The following VWA3B variants were observed in gnomAD, a reference collection of about 807,000 sequenced individuals.
VWA3B encodes von Willebrand factor A domain containing 3B, also known as von Willebrand factor A domain-containing protein 3B.
Under a neutral mutation model 158.3 loss-of-function variants are expected in VWA3B, and 138 were observed. The observed-to-expected ratio is 0.87, with a 90% CI of 0.76 to 1.00. The LOEUF (loss-of-function observed/expected upper bound fraction) is 1.00, where lower values mean the gene tolerates loss of function less well. Among genes scored for constraint, VWA3B ranks in the 50% least tolerant of loss-of-function variants. VWA3B has a pLI of 0.00. For synonymous variants in VWA3B, 596 were observed against 587.3 expected (o/e 1.01, Z -0.21); for missense variants, 1,555 against 1,565.1 (o/e 0.99, Z 0.11).
intron 5 of VWA3B, among the ~76,000 whole-genome samples, chr2:98,127,863 C>T (rs1194312069): frequency 6.6e-6 from 1 of 152,174 alleles, no homozygotes; most frequent in Non-Finnish European, 1.5e-5. Flanking sequence ...CTGGCACTGC[C>T]GCGGGCAATG....
At chr2:98,306,993 G>C (rs73961210) in intron 26 of VWA3B, among the ~76,000 whole-genome samples, 24 of 152,248 alleles carry the variant, frequency 1.6e-4, no homozygotes, top group African/African-American at 5.8e-4. Context: ...TAGCAGAACC[G>C]AGTACAAAAA....
At chr2:98,164,551 G>T (rs1022582324) in intron 8 of VWA3B, among the ~76,000 whole-genome samples, 1 of 152,174 alleles carries the variant, frequency 6.6e-6, no homozygotes, top group African/African-American at 2.4e-5. Context: ...ATTACAGAGC[G>T]ATTAAGTCAT....
chr2:98,291,593 A>G (rs760724793), intron 23 of VWA3B: 1 of 152,228 alleles, frequency 6.6e-6, no homozygotes. Flanking sequence ...GCAGTGAGAA[A>G]CACAATCACA....
chr2:98,134,540 G>C (rs1241360335), intron 7 of VWA3B, among the ~76,000 whole-genome samples: 2 of 152,126 alleles, frequency 1.3e-5, no homozygotes, highest in African/African-American at 4.8e-5. Context: ...CCAGGAGATG[G>C]GAGTTTCTTT....
intron 7 of VWA3B, among the ~76,000 whole-genome samples, chr2:98,156,220 A>G (rs549480497): frequency 1.2e-4 from 19 of 152,316 alleles, no homozygotes; most frequent in African/African-American, 3.8e-4. Context: ...GTGTTGTTGA[A>G]TAAATGAGTG....
Position 98,162,843 on chromosome 2 carries a change from C to G in VWA3B, c.989-8C>G, listed in dbSNP as rs138724925. The G allele has an allele frequency of 1.7e-5, 28 of 1,613,226 alleles. No homozygotes were observed. In the African/African-American group the frequency reaches 2.7e-4, roughly 15 times the overall value. On this transcript the variant is annotated splice_polypyrimidine_tract_variant and splice_region_variant and intron_variant, in intron 7 of 27. Coordinates refer to ENST00000477737, the MANE Select transcript of VWA3B (RefSeq NM_144992.5). ...AGCCGGCCGCTCATGCTGTGTCTCC[C>G]CTTTTAGGAGCTGGAGTCAGAGAGG...
intron 2 of VWA3B, among the ~76,000 whole-genome samples, chr2:98,114,945 C>T (rs1674411518): frequency 6.6e-6 from 1 of 152,128 alleles, no homozygotes; most frequent in African/African-American, 2.4e-5. Flanking sequence ...TCTTGTAGTT[C>T]TGACATTCTG....
chr2:98,256,820 G>A (rs549647201), intron 21 of VWA3B, among the ~76,000 whole-genome samples: 1 of 152,064 alleles, frequency 6.6e-6, no homozygotes, highest in East Asian at 1.9e-4. Context: ...TATTTTTATT[G>A]ACCCATAATA....
chr2:98,145,745 G>T (rs982826222), intron 7 of VWA3B, among the ~76,000 whole-genome samples: 1 of 151,270 alleles, frequency 6.6e-6, no homozygotes, highest in Non-Finnish European at 1.5e-5. Flanking sequence ...TTTGAGACAG[G>T]TTCTCACTCT....
chr2:98,144,707 C>T (rs577314697), intron 7 of VWA3B, among the ~76,000 whole-genome samples: 4 of 152,074 alleles, frequency 2.6e-5, no homozygotes, highest in African/African-American at 7.2e-5. Context: ...GCTGGGCTTA[C>T]AGGTGGCTGC....
At chr2:98,303,142 T>C (rs1287980127) in intron 25 of VWA3B, among the ~76,000 whole-genome samples, 1 of 151,974 alleles carries the variant, frequency 6.6e-6, no homozygotes, top group Non-Finnish European at 1.5e-5. Context: ...CCCTAGGGTG[T>C]GGGGAGAGAT....
At chr2:98,242,557 A>G (rs562364528) in intron 19 of VWA3B, among the ~76,000 whole-genome samples, 1 of 151,852 alleles carries the variant, frequency 6.6e-6, no homozygotes, top group African/African-American at 2.4e-5. Flanking sequence ...TGTCGTTATC[A>G]TAATGTCTTT....
intron 26 of VWA3B, among the ~76,000 whole-genome samples, chr2:98,310,400 G>T (rs1690814542): frequency 6.6e-6 from 1 of 152,086 alleles, no homozygotes; most frequent in South Asian, 2.1e-4. Context: ...AGGGGGGTAG[G>T]CATCTCCCTA....
chr2:98,193,751 G>A (rs7560563), intron 11 of VWA3B, among the ~76,000 whole-genome samples: 4,713 of 151,786 alleles, frequency 0.031, 234 homozygotes, highest in African/African-American at 0.11. Flanking sequence ...CACCACGCCC[G>A]GCTAATTTTT....
intron 7 of VWA3B, among the ~76,000 whole-genome samples, chr2:98,154,171 T>C (rs1406279961): frequency 6.6e-6 from 1 of 152,176 alleles, no homozygotes; most frequent in Non-Finnish European, 1.5e-5. Context: ...AGGATTTCTT[T>C]CTACTGCTCT....
intron 12 of VWA3B, among the ~76,000 whole-genome samples, chr2:98,207,975 G>A (rs1683160163): frequency 6.6e-6 from 1 of 151,996 alleles, no homozygotes; most frequent in South Asian, 2.1e-4. Flanking sequence ...TTATAAAGTA[G>A]ATAAAAATAG....
At chr2:98,131,858 AT>A (rs891592547) in intron 6 of VWA3B, among the ~76,000 whole-genome samples, 3 of 152,260 alleles carry the variant, frequency 2.0e-5, no homozygotes, top group Admixed American at 6.5e-5. Context: ...AGGAATTCTA[AT>A]TTTCAAGATC....
chr2:98,229,327 C>T lies in VWA3B; in HGVS notation c.2151-723C>T, dbSNP rs191733966. On this transcript the variant is annotated intron_variant, in intron 15 of 27. Coordinates refer to ENST00000477737, the MANE Select transcript of VWA3B (RefSeq NM_144992.5). ...TCCTTCTGCTGTGGGGGGCACAGTG[C>T]GGGCACAGACCCACAGAGGGCCATG... Among the ~76,000 whole-genome samples the T allele has an allele frequency of 5.9e-5, 9 of 152,302 alleles. No individual in the cohort carries two copies. The East Asian group carries it at 7.7e-4, about 13-fold the overall frequency.
At chr2:98,088,779 G>A (rs936227377) in intron 1 of VWA3B, among the ~76,000 whole-genome samples, 4 of 151,434 alleles carry the variant, frequency 2.6e-5, no homozygotes, top group African/African-American at 9.7e-5. Flanking sequence ...TTTGAGACAG[G>A]GTCTCGCTCT....
Sources: gnomAD v4.1 joint callset for allele counts (sites outside exome capture counted in the v4.1 genomes callset) on GRCh38, gnomAD v4.1.1 for gene constraint, MANE v1.5 for transcripts, NCBI Gene and HGNC (gene_info 2026-07-23, HGNC 2026-07-21) for gene names.